Variants in SNTB2 observed in about 807,000 individuals in gnomAD.
SNTB2 encodes syntrophin beta 2.
In SNTB2, 34 loss-of-function variants were observed where a neutral mutation model predicts 46.2. The ratio of observed to expected loss-of-function variants is 0.74; its 90% confidence interval spans 0.56 to 0.98. The LOEUF is 0.98. Among genes scored for constraint, SNTB2 ranks in the 50% least tolerant of loss-of-function variants. The probability of loss-of-function intolerance (pLI) is 0.00; values close to 1 mark genes in which losing one functional copy is unlikely to be tolerated. For missense variants in SNTB2, 603 were observed against 731.4 expected (o/e 0.82, Z 2.02); for synonymous variants, 290 against 312.6 (o/e 0.93, Z 0.76).
At chr16:69,294,493 G>A (rs529751156) in intron 5 of SNTB2, among the ~76,000 whole-genome samples, 27 of 152,198 alleles carry the variant, frequency 1.8e-4, no homozygotes, top group African/African-American at 6.0e-4. Flanking sequence ...GGAGGCCAAG[G>A]AGGGTGGATC....
chr16:69,190,924 T>C (rs1457448697), intron 1 of SNTB2, among the ~76,000 whole-genome samples: 1 of 152,102 alleles, frequency 6.6e-6, no homozygotes, highest in Non-Finnish European at 1.5e-5. Context: ...TTTAAGGGAC[T>C]GGGAATACAG....
intron 1 of SNTB2, among the ~76,000 whole-genome samples, chr16:69,220,150 T>G: frequency 6.8e-6 from 1 of 147,486 alleles, no homozygotes; most frequent in African/African-American, 2.5e-5. Flanking sequence ...TGCAAGAAAG[T>G]CAGATTTTTT....
At chr16:69,285,119 T>C (rs1333664957) in intron 5 of SNTB2, among the ~76,000 whole-genome samples, 1 of 152,224 alleles carries the variant, frequency 6.6e-6, no homozygotes, top group Non-Finnish European at 1.5e-5. Flanking sequence ...TATGCATTTC[T>C]CCAAACATAT....
intron 3 of SNTB2, among the ~76,000 whole-genome samples, chr16:69,268,137 C>CA (rs547392910): frequency 1.2e-3 from 190 of 152,232 alleles, no homozygotes; most frequent in African/African-American, 4.4e-3. Context: ...CAAGTAAATT[C>CA]AATGGTACCT....
At chr16:69,279,845 T>A (rs1014716650) in intron 4 of SNTB2, among the ~76,000 whole-genome samples, 1 of 146,484 alleles carries the variant, frequency 6.8e-6, no homozygotes, top group Non-Finnish European at 1.5e-5. Flanking sequence ...GCCCATTTTT[T>A]TTAATTAATT....
intron 1 of SNTB2, among the ~76,000 whole-genome samples, 183 bp downstream of exon 1, chr16:69,187,929 C>G (rs986616750): frequency 6.6e-6 from 1 of 152,118 alleles, no homozygotes; most frequent in Admixed American, 6.5e-5. Flanking sequence ...GGGCAGCCGC[C>G]GAAGTGTGGC....
intron 2 of SNTB2, among the ~76,000 whole-genome samples, chr16:69,257,891 T>TC: frequency 6.6e-6 from 1 of 152,220 alleles, no homozygotes; most frequent in Non-Finnish European, 1.5e-5. Flanking sequence ...TCACTGTATC[T>TC]CCAATACCAG....
chr16:69,278,895 T>A (rs891775802), intron 4 of SNTB2, among the ~76,000 whole-genome samples: 30 of 119,790 alleles, frequency 2.5e-4, no homozygotes, highest in Non-Finnish European at 4.4e-4. Flanking sequence ...GAAGAGTGTG[T>A]GTGTGTGTGT....
intron 5 of SNTB2, among the ~76,000 whole-genome samples, chr16:69,285,572 C>T (rs1416335709): frequency 6.6e-6 from 1 of 150,626 alleles, no homozygotes; most frequent in Non-Finnish European, 1.5e-5. Flanking sequence ...CTTGAACTCT[C>T]CTGTGTTTAA....
At chr16:69,288,603 G>A (rs779794865) in intron 5 of SNTB2, among the ~76,000 whole-genome samples, 5 of 152,180 alleles carry the variant, frequency 3.3e-5, no homozygotes, top group Non-Finnish European at 7.3e-5. Context: ...ATGTAAATCA[G>A]TATAGCCATT....
chr16:69,224,337 T>C (rs1487077469), intron 1 of SNTB2, among the ~76,000 whole-genome samples: 5 of 149,718 alleles, frequency 3.3e-5, no homozygotes, highest in Non-Finnish European at 7.4e-5. Flanking sequence ...TCAGCCTCCC[T>C]AGTAGCTGGA....
chr16:69,227,933 C>A (rs1328169224), intron 1 of SNTB2, among the ~76,000 whole-genome samples: 1 of 148,508 alleles, frequency 6.7e-6, no homozygotes, highest in African/African-American at 2.5e-5. Context: ...TCATAGCTCA[C>A]TGCAGCCTCA....
At chr16:69,251,491 A>C (rs1160384992) in intron 2 of SNTB2, among the ~76,000 whole-genome samples, 1 of 149,752 alleles carries the variant, frequency 6.7e-6, no homozygotes, top group East Asian at 1.9e-4. Context: ...AAAAAAAAAA[A>C]AACTAGGCCA....
At chr16:69,210,967 G>A (rs2152292000) in intron 1 of SNTB2, among the ~76,000 whole-genome samples, 1 of 152,066 alleles carries the variant, frequency 6.6e-6, no homozygotes, top group Middle Eastern at 3.4e-3. Context: ...CTCCAGCCTG[G>A]GCCACAGAGC....
At chr16:69,289,972 T>A (rs774534772) in intron 5 of SNTB2, among the ~76,000 whole-genome samples, 6 of 152,210 alleles carry the variant, frequency 3.9e-5, no homozygotes, top group Non-Finnish European at 8.8e-5. Flanking sequence ...GTTAAAACTA[T>A]AGTTGGCAAA....
chr16:69,233,795 A>T (rs572415412), intron 1 of SNTB2, among the ~76,000 whole-genome samples: 4 of 152,004 alleles, frequency 2.6e-5, no homozygotes, highest in Admixed American at 6.6e-5. Context: ...CAACATAGCA[A>T]GACCCCACTG....
intron 1 of SNTB2, among the ~76,000 whole-genome samples, chr16:69,229,323 T>C (rs1198863013): frequency 1.3e-5 from 2 of 151,882 alleles, no homozygotes; most frequent in South Asian, 4.2e-4. Flanking sequence ...GCACGTGCCA[T>C]CACACCTGGC....
intron 2 of SNTB2, among the ~76,000 whole-genome samples, chr16:69,257,528 G>C (rs1184470881): frequency 6.6e-6 from 1 of 151,686 alleles, no homozygotes; most frequent in Non-Finnish European, 1.5e-5. Flanking sequence ...CTCACTGCAA[G>C]CTCCGCCTCC....
Position 69,187,337 on chromosome 16 carries a change from C to T in SNTB2, c.171C>T (p.Ala57=). Residue 57 remains alanine, a synonymous_variant, in exon 1 of 7, where the codon GCC becomes GCT. Transcript: ENST00000336278. ...GCCTGACGGGCGACGCCGCCGCGGC[C>T]GAGCTGGAGCCCGCTCTGGGACCCG... ...SLSLTGDAAA[A]ELEPALGPAA... 6.9e-7 allele frequency: 1 copy of T among 1,443,372 alleles called. No homozygotes were observed. The highest frequency in any genetic ancestry group is 9.1e-7 in the Non-Finnish European group (1 of 1,099,768). 89.4% of individuals were successfully genotyped at this position (1,443,372 alleles called of 1,614,324 possible). A position where few individuals can be genotyped will look rare whatever the true frequency, so the allele number is the denominator to read the frequency against.
Sources: gnomAD v4.1 joint callset for allele counts (sites outside exome capture counted in the v4.1 genomes callset) on GRCh38, gnomAD v4.1.1 for gene constraint, MANE v1.5 for transcripts, NCBI Gene and HGNC (gene_info 2026-07-23, HGNC 2026-07-21) for gene names.